GLOD4: variants seen among roughly 807,000 people sequenced by gnomAD.
The protein encoded by GLOD4 is glyoxalase domain-containing protein 4.
GLOD4 carries 44 observed loss-of-function variants against 39.1 expected under a neutral mutation model. The ratio of observed to expected loss-of-function variants is 1.13; its 90% CI spans 0.88 to 1.45. The LOEUF (loss-of-function observed/expected upper bound fraction) is 1.45, where lower values mean the gene tolerates loss of function less well. Among genes scored for constraint, GLOD4 ranks in the 40% most tolerant of loss-of-function variants. The pLI is 0.00. For missense variants in GLOD4, 405 were observed against 366.4 expected (o/e 1.11, Z -0.86); for synonymous variants, 145 against 135.0 (o/e 1.07, Z -0.52).
upstream of GLOD4, among the ~76,000 whole-genome samples, chr17:784,651 T>A (rs1232750476): frequency 6.6e-6 from 1 of 152,198 alleles, no homozygotes; most frequent in African/African-American, 2.4e-5. Flanking sequence ...CTTATGTTAC[T>A]ATATTTTAGA....
chr17:775,548 A>G (rs146321258), intron 4 of GLOD4, among the ~76,000 whole-genome samples: 215 of 152,364 alleles, frequency 1.4e-3, no homozygotes, highest in African/African-American at 4.7e-3. Context: ...TGAAAGAATC[A>G]TAAATCACTA....
chr17:783,796 T>G (rs1910382722), upstream of GLOD4, among the ~76,000 whole-genome samples: 2 of 152,242 alleles, frequency 1.3e-5, no homozygotes, highest in Non-Finnish European at 2.9e-5. Flanking sequence ...GAAACCCGTT[T>G]TTCACTATCA....
intron 4 of GLOD4, among the ~76,000 whole-genome samples, chr17:772,966 G>C (rs1273417698): frequency 1.3e-5 from 2 of 151,240 alleles, no homozygotes; most frequent in East Asian, 3.9e-4. Context: ...CTGCACTCTA[G>C]CCTGGGCGAC....
At chr17:767,942 TAA>T (rs1201441762) in intron 8 of GLOD4, among the ~76,000 whole-genome samples, 1 of 130,942 alleles carries the variant, frequency 7.6e-6, no homozygotes, top group African/African-American at 3.1e-5. Flanking sequence ...GGAGAGGACG[TAA>T]GAGAGAGAAA....
intron 8 of GLOD4, among the ~76,000 whole-genome samples, chr17:765,816 G>A (rs976223626): frequency 1.3e-5 from 2 of 151,682 alleles, no homozygotes; most frequent in Non-Finnish European, 2.9e-5. Context: ...AGGTGTGGTG[G>A]TGCGTGCCTG....
upstream of GLOD4, chr17:782,541 G>A (rs147612743): frequency 2.5e-6 from 4 of 1,613,780 alleles, no homozygotes; most frequent in South Asian, 1.1e-5. Context: ...GCGCGCTCCT[G>A]GGAAGCAGCC....
At chr17:770,247 A>G (rs771333749) in intron 6 of GLOD4, 90 bp from the exon 7 acceptor site, 7 of 784,408 alleles carry the variant, frequency 8.9e-6, no homozygotes, top group Non-Finnish European at 1.6e-5. Flanking sequence ...CAGATACCAT[A>G]AAGAACCAAG....
chr17:777,273 T>C, intron 2 of GLOD4: 1 of 431,630 alleles, frequency 2.3e-6, no homozygotes, highest in Admixed American at 3.5e-5. Flanking sequence ...ACTGACCTGT[T>C]ATTTCCTTGA....
intron 5 of GLOD4, 139 bp downstream of exon 5, chr17:771,186 A>G (rs1907891741): frequency 6.7e-6 from 4 of 594,148 alleles, no homozygotes; most frequent in Non-Finnish European, 1.2e-5. Flanking sequence ...GTTTATCTAT[A>G]TAAATATTGA....
chr17:775,642 C>G, intron 4 of GLOD4, 133 bp downstream of exon 4: 1 of 698,768 alleles, frequency 1.4e-6, no homozygotes, highest in East Asian at 2.5e-5. Flanking sequence ...TCTCCGATAA[C>G]AGGTAAAAGC....
At chr17:783,399 C>T (rs1333364698), upstream of GLOD4, 2 of 1,436,972 alleles carry the variant, frequency 1.4e-6, no homozygotes, top group African/African-American at 1.4e-5. Context: ...TGCAATGGCG[C>T]GATCTCGGCC....
At chr17:780,121 G>A (rs1291158451) in intron 1 of GLOD4, among the ~76,000 whole-genome samples, 2 of 151,818 alleles carry the variant, frequency 1.3e-5, no homozygotes, top group Non-Finnish European at 2.9e-5. Flanking sequence ...CCGAGATTGC[G>A]CCACTGCACT....
intron 2 of GLOD4, chr17:778,344 T>C (rs1370218154): frequency 2.5e-6 from 1 of 398,230 alleles, no homozygotes; most frequent in Admixed American, 4.4e-5. Context: ...GGATCTGACA[T>C]TAACTCCAGG....
At position 760,063 on chromosome 17, in the gene GLOD4, C is replaced by T. The variant is rs950007973; in HGVS notation, c.*110G>A. 5 of 734,120 alleles carry T rather than the reference C, an allele frequency of 6.8e-6. No homozygotes were observed. In the African/African-American group the frequency reaches 8.7e-5, roughly 13 times the overall value. The allele number at this position is 734,120 out of a possible 1,614,324, so 45.5% of individuals were successfully genotyped here. ...CACAAATCTGCACTACCCAAGCCTC[C>T]TTGCCTGTACGGGAAACAAATCAGA... On this transcript the variant is annotated 3_prime_UTR_variant, in exon 9 of 9. Transcript: ENST00000301329.
At chr17:765,646 G>GT (rs1033970931) in intron 8 of GLOD4, among the ~76,000 whole-genome samples, 3 of 149,828 alleles carry the variant, frequency 2.0e-5, no homozygotes, top group Non-Finnish European at 4.4e-5. Context: ...GGGTTTCACC[G>GT]TGTTAGCCAG....
intron 5 of GLOD4, 32 bp from the exon 6 acceptor site, chr17:770,539 C>G (rs746316074): frequency 2.1e-6 from 2 of 958,238 alleles, no homozygotes; most frequent in African/African-American, 1.6e-5. Flanking sequence ...TTTTTTGGAA[C>G]AGGTTATACA....
intron 4 of GLOD4, among the ~76,000 whole-genome samples, chr17:773,419 T>G (rs913127118): frequency 6.6e-6 from 1 of 152,198 alleles, no homozygotes; most frequent in Non-Finnish European, 1.5e-5. Context: ...TATACAGAAA[T>G]GTATACACTT....
intron 8 of GLOD4, chr17:765,192 T>C (rs377555151): frequency 3.3e-5 from 5 of 150,938 alleles, no homozygotes; most frequent in African/African-American, 1.2e-4. Flanking sequence ...GAGATGGGCA[T>C]GAGGGAACTT....
chr17:782,707 G>C (rs373109228), upstream of GLOD4: 1 of 1,579,948 alleles, frequency 6.3e-7, no homozygotes, highest in Non-Finnish European at 8.6e-7. Flanking sequence ...TGTGGTTCTT[G>C]AGCCTGTCGA....
Sources: allele counts gnomAD v4.1 joint callset (sites outside exome capture counted in the v4.1 genomes callset), GRCh38; gene constraint gnomAD v4.1.1; transcripts MANE v1.5; gene names NCBI Gene and HGNC (gene_info 2026-07-23, HGNC 2026-07-21).